SRP54: variants seen among roughly 807,000 people sequenced by gnomAD.
SRP54 encodes the protein signal recognition particle 54.
Under a neutral mutation model 64.8 loss-of-function variants are expected in SRP54, and 10 were observed. The ratio of observed to expected loss-of-function variants is 0.15; its 90% confidence interval spans 0.10 to 0.26. The LOEUF (loss-of-function observed/expected upper bound fraction) is 0.26. Among genes scored for constraint, SRP54 ranks in the 10% least tolerant of loss-of-function variants. SRP54 has a pLI of 1.00. For synonymous variants in SRP54, 193 were observed against 185.6 expected, an observed-to-expected ratio of 1.04 and a Z score of -0.32; for missense variants, 325 against 613.7, an observed-to-expected ratio of 0.53 and a Z score of 4.97.
In SRP54 at chr14:35,028,166, G is replaced by A; in HGVS notation, c.1406G>A (p.Arg469Lys). ...NQQMAKMMDP[R>K]VLHHMGGMAG... ...CAAATGGCCAAAATGATGGATCCTA[G>A]GGTTCTTCATCACATGGGTAAATAC... Residue 469 changes from arginine to lysine, a missense_variant, in exon 15 of 16, where the codon AGG becomes AAG. Arg to Lys is a conservative substitution (Grantham distance 26, BLOSUM62 2). This residue lies in a region of SRP54 where 146 missense variants were observed against 337.4 expected (regional missense o/e 0.43). Transcript: ENST00000216774. The A allele has an allele frequency of 1.2e-6, 2 of 1,611,656 alleles. No homozygotes were observed. The highest frequency in any genetic ancestry group is 2.2e-5 in the South Asian group (2 of 90,690).
Position 35,018,699 on chromosome 14 carries a change from T to C in SRP54, c.981T>C (p.Phe327=). ...ATTTACATTGTATTTCAGGTCAGTTTACGTTGCGAGACATGTATGAGCAAT... is the reference window on the plus strand; with the variant it reads ...ATTTACATTGTATTTCAGGTCAGTTCACGTTGCGAGACATGTATGAGCAAT... The part of the protein sequence containing the change: ...ALIEKLKHGQ[F]TLRDMYEQFQ... Residue 327 remains phenylalanine, a synonymous_variant, in exon 12 of 16, where the codon TTT becomes TTC. Transcript: ENST00000216774. 6.2e-7 allele frequency: 1 copy of C among 1,612,784 alleles called. No individual in the cohort carries two copies. The highest frequency in any genetic ancestry group is 1.1e-5 in the South Asian group (1 of 90,612).
chr14:35,015,088 GTTT>G (rs1220314938), intron 11 of SRP54, among the ~76,000 whole-genome samples: 1 of 152,000 alleles, frequency 6.6e-6, no homozygotes, highest in Non-Finnish European at 1.5e-5. Flanking sequence ...AAGTTTTTCT[GTTT>G]TTTAAGACAG....
intron 13 of SRP54, among the ~76,000 whole-genome samples, chr14:35,021,684 A>G (rs1485708940): frequency 6.6e-6 from 1 of 152,236 alleles, no homozygotes; most frequent in Non-Finnish European, 1.5e-5. Flanking sequence ...GCAAGGAGAC[A>G]TATACATGAA....
intron 1 of SRP54, among the ~76,000 whole-genome samples, chr14:34,984,856 T>C (rs1357559639): frequency 6.6e-6 from 1 of 151,538 alleles, no homozygotes; most frequent in African/African-American, 2.4e-5. Flanking sequence ...TACTTTCCCC[T>C]AAAACTTGCA....
chr14:35,028,999 A>G (rs561324705), intron 15 of SRP54, 62 bp from the exon 16 acceptor site: 4 of 1,342,080 alleles, frequency 3.0e-6, no homozygotes, highest in East Asian at 4.7e-5. Flanking sequence ...AAAGTAATAA[A>G]TGTTTCCAGT....
At chr14:35,001,429 G>A (rs927589643) in intron 4 of SRP54, among the ~76,000 whole-genome samples, 5 of 152,068 alleles carry the variant, frequency 3.3e-5, no homozygotes, top group Non-Finnish European at 5.9e-5. Context: ...GGGATTATAG[G>A]TGTGAACCAC....
chr14:34,998,962 A>G (rs1317494368), intron 2 of SRP54, among the ~76,000 whole-genome samples: 2 of 102,600 alleles, frequency 1.9e-5, no homozygotes, highest in African/African-American at 3.6e-5. Flanking sequence ...CTTTATTATT[A>G]CTTTGTGTGT....
intron 3 of SRP54, 66 bp downstream of exon 3, chr14:34,999,715 A>C: frequency 8.7e-7 from 1 of 1,151,174 alleles, no homozygotes; most frequent in East Asian, 2.4e-5. Flanking sequence ...AGAGGTGCTA[A>C]CTGGAAGTGT....
intron 11 of SRP54, among the ~76,000 whole-genome samples, chr14:35,017,861 C>A (rs1194997707): frequency 6.6e-6 from 1 of 152,132 alleles, no homozygotes; most frequent in Non-Finnish European, 1.5e-5. Flanking sequence ...GTGGCTCACA[C>A]TGTAATCCTA....
chr14:34,995,453 A>G (rs1004672528), intron 1 of SRP54, among the ~76,000 whole-genome samples: 5 of 152,118 alleles, frequency 3.3e-5, no homozygotes, highest in African/African-American at 4.8e-5. Context: ...CCCTGTTAGC[A>G]GTCAGACAGG....
At chr14:35,009,543 G>T (rs560882471) in intron 7 of SRP54, among the ~76,000 whole-genome samples, 2 of 152,114 alleles carry the variant, frequency 1.3e-5, no homozygotes, top group South Asian at 4.1e-4. Context: ...GATTGTATTG[G>T]GGATTGTGAA....
intron 8 of SRP54, among the ~76,000 whole-genome samples, chr14:35,012,504 T>C (rs1036710574): frequency 1.3e-5 from 2 of 152,196 alleles, no homozygotes; most frequent in Non-Finnish European, 2.9e-5. Context: ...TGTTGTTATT[T>C]TGACCAAGTT....
chr14:35,002,286 C>T (rs1003703958), intron 4 of SRP54, among the ~76,000 whole-genome samples: 5 of 151,690 alleles, frequency 3.3e-5, no homozygotes, highest in Middle Eastern at 3.2e-3. Flanking sequence ...CCCAGGAGTT[C>T]GGGGGTGCAG....
Position 35,013,039 on chromosome 14 carries a change from G to A in SRP54, c.637-307G>A, listed in dbSNP as rs1190606403. On this transcript the variant is annotated intron_variant, in intron 8 of 15. Coordinates refer to ENST00000216774, the MANE Select transcript of SRP54 (RefSeq NM_003136.4). ...GCTGACTGCAACCTCTGCCTCCCGG[G>A]TTCAAGTGATTCTCCTGCCTGAGCC... 2.0e-5 allele frequency among the ~76,000 whole-genome samples: 3 copies of A among 150,846 alleles called. No homozygotes were observed. The East Asian group carries it at 5.9e-4, about 30-fold the overall frequency.
At chr14:35,013,273 C>A in intron 8 of SRP54, 73 bp from the exon 9 acceptor site, 1 of 1,408,502 alleles carries the variant, frequency 7.1e-7, no homozygotes. Flanking sequence ...TGTTTTATAG[C>A]TTCTAATGAT....
At chr14:35,005,446 G>A (rs2044241526) in intron 4 of SRP54, among the ~76,000 whole-genome samples, 1 of 152,168 alleles carries the variant, frequency 6.6e-6, no homozygotes, top group Non-Finnish European at 1.5e-5. Flanking sequence ...GCCCAGGCCG[G>A]AGTACAGTGG....
chr14:35,007,631 T>G (rs1236343415), intron 5 of SRP54, among the ~76,000 whole-genome samples: 2 of 106,052 alleles, frequency 1.9e-5, no homozygotes, highest in African/African-American at 3.1e-5. Context: ...TATTAAAATA[T>G]ATTTATATTA....
intron 13 of SRP54, 46 bp from the exon 14 acceptor site, chr14:35,022,864 A>G: frequency 6.6e-7 from 1 of 1,506,970 alleles, no homozygotes; most frequent in Non-Finnish European, 8.9e-7. Flanking sequence ...AACTGCTTTG[A>G]TGGTGAATGA....
intron 4 of SRP54, chr14:35,004,670 A>G (rs1156812852): frequency 6.6e-6 from 1 of 152,232 alleles, no homozygotes; most frequent in Non-Finnish European, 1.5e-5. Context: ...TTATTTACTA[A>G]AACATATATG....
Sources: gnomAD v4.1 joint callset for allele counts (sites outside exome capture counted in the v4.1 genomes callset) on GRCh38, gnomAD v4.1.1 for gene constraint, gnomAD v4.1.1 regional missense constraint, MANE v1.5 for transcripts, NCBI Gene and HGNC (gene_info 2026-07-23, HGNC 2026-07-21) for gene names.